The following DOK6 variants were observed in gnomAD, a reference collection of about 807,000 sequenced individuals.
The protein encoded by DOK6 is docking protein 6, also known as downstream of tyrosine kinase 6.
DOK6 carries 22 observed loss-of-function variants against 44.0 expected under a neutral mutation model. That is an observed-to-expected ratio of 0.50 (90% confidence interval 0.36 to 0.71). The LOEUF is 0.71. Among genes scored for constraint, DOK6 ranks in the 30% least tolerant of loss-of-function variants. The pLI is 0.00. For missense variants in DOK6, 340 were observed against 416.4 expected (o/e 0.82, Z 1.60); for synonymous variants, 166 against 145.5 (o/e 1.14, Z -1.01).
intron 7 of DOK6, among the ~76,000 whole-genome samples, chr18:69,833,278 T>C (rs780112352): frequency 7.2e-5 from 11 of 152,174 alleles, no homozygotes; most frequent in Non-Finnish European, 1.6e-4. Context: ...GCCAACTCAT[T>C]TTTAACAAAG....
chr18:69,733,216 A>C (rs527471489), intron 5 of DOK6, among the ~76,000 whole-genome samples: 4 of 152,262 alleles, frequency 2.6e-5, no homozygotes, highest in African/African-American at 9.6e-5. Context: ...CATTTAATTT[A>C]CATTAAATAA....
chr18:69,543,676 G>A (rs1442092119), intron 1 of DOK6, among the ~76,000 whole-genome samples: 1 of 151,216 alleles, frequency 6.6e-6, no homozygotes, highest in Non-Finnish European at 1.5e-5. Flanking sequence ...GACTTTCAGG[G>A]CTTGATTTTT....
At chr18:69,402,906 G>C (rs960781256) in intron 1 of DOK6, among the ~76,000 whole-genome samples, 3 of 152,198 alleles carry the variant, frequency 2.0e-5, no homozygotes, top group African/African-American at 7.2e-5. Flanking sequence ...CGGTTCTCCA[G>C]GAGTCTGGTT....
rs926934475 is a variant in DOK6, at chr18:69,673,811, C to T, written c.290-3923C>T. 2.8e-4 allele frequency among the ~76,000 whole-genome samples: 43 copies of T among 152,158 alleles called. 1 individual carries two copies. The highest frequency in any genetic ancestry group is 8.8e-5 in the Non-Finnish European group (6 of 68,014). On this transcript the variant is annotated intron_variant, in intron 3 of 7. Coordinates refer to ENST00000382713, the MANE Select transcript of DOK6 (RefSeq NM_152721.6). ...ATAGCTGCAAGCTATCTGAAAAAGG[C>T]ATCTTCATGAAAAAGCACTTCATCA...
intron 6 of DOK6, among the ~76,000 whole-genome samples, chr18:69,741,746 C>T (rs930043134): frequency 6.6e-6 from 1 of 152,236 alleles, no homozygotes; most frequent in African/African-American, 2.4e-5. Flanking sequence ...GTCCAACTTC[C>T]TTGGTCTCCC....
chr18:69,630,380 C>T lies in DOK6; in HGVS notation c.289+30882C>T, dbSNP rs72961413. On this transcript the variant is annotated intron_variant, in intron 3 of 7. Transcript: ENST00000382713. ...AAAAAAGGAATGTCCCACCTTGTCA[C>T]ATTTTAGTTCCCTTGGATTTTTTAA... is the stretch of plus-strand genomic sequence containing the variant. 3.2e-3 allele frequency among the ~76,000 whole-genome samples: 480 copies of T among 152,308 alleles called. 3 individuals carry two copies. Among genetic ancestry groups the T allele is most frequent in the Admixed American group, 5.9e-3 (91 of 15,310 alleles).
chr18:69,676,885 G>A (rs1985934337), intron 3 of DOK6, among the ~76,000 whole-genome samples: 1 of 152,030 alleles, frequency 6.6e-6, no homozygotes, highest in Admixed American at 6.5e-5. Context: ...CTTTAGATAT[G>A]ACAGGATTTT....
chr18:69,826,686 C>G (rs767445124), intron 7 of DOK6, among the ~76,000 whole-genome samples: 20 of 152,142 alleles, frequency 1.3e-4, no homozygotes, highest in Non-Finnish European at 2.6e-4. Flanking sequence ...ATATCCAGTC[C>G]AGTAGGTGTT....
intron 7 of DOK6, among the ~76,000 whole-genome samples, chr18:69,775,041 G>A (rs958171644): frequency 6.6e-6 from 1 of 151,662 alleles, no homozygotes; most frequent in Non-Finnish European, 1.5e-5. Context: ...AGATAGAACA[G>A]GAAGTGATGA....
intron 3 of DOK6, chr18:69,662,845 T>C (rs1985564510): frequency 6.6e-6 from 1 of 152,220 alleles, no homozygotes; most frequent in African/African-American, 2.4e-5. Context: ...GTTTCCTTCA[T>C]AGAAATAGTT....
intron 3 of DOK6, among the ~76,000 whole-genome samples, chr18:69,628,431 A>G (rs564392156): frequency 2.0e-5 from 3 of 152,298 alleles, no homozygotes; most frequent in Non-Finnish European, 4.4e-5. Flanking sequence ...CAGAACTTGC[A>G]GTGAGCCAAG....
At chr18:69,738,037 G>T (rs780139152) in intron 5 of DOK6, among the ~76,000 whole-genome samples, 13 of 152,162 alleles carry the variant, frequency 8.5e-5, no homozygotes, top group Non-Finnish European at 1.2e-4. Flanking sequence ...TTCACGCTGT[G>T]TGAATTTTAT....
chr18:69,723,331 C>G (rs956855639), intron 5 of DOK6, among the ~76,000 whole-genome samples: 1 of 152,174 alleles, frequency 6.6e-6, no homozygotes, highest in Non-Finnish European at 1.5e-5. Context: ...AGTGAAATAG[C>G]AAAGTGTTTT....
intron 1 of DOK6, among the ~76,000 whole-genome samples, chr18:69,496,251 G>C (rs996995887): frequency 6.6e-6 from 1 of 152,246 alleles, no homozygotes; most frequent in Non-Finnish European, 1.5e-5. Flanking sequence ...GCTGTGACCA[G>C]GAGGACAGGG....
chr18:69,656,314 A>G (rs753310541), intron 3 of DOK6, among the ~76,000 whole-genome samples: 7 of 152,246 alleles, frequency 4.6e-5, no homozygotes, highest in African/African-American at 7.2e-5. Context: ...ATCTTTACAG[A>G]AAGGAGTACC....
intron 1 of DOK6, among the ~76,000 whole-genome samples, chr18:69,531,771 C>A (rs1981992183): frequency 6.6e-6 from 1 of 152,116 alleles, no homozygotes; most frequent in Non-Finnish European, 1.5e-5. Flanking sequence ...ATTGCCATTA[C>A]CTTGAAACAT....
intron 4 of DOK6, among the ~76,000 whole-genome samples, chr18:69,686,070 G>A (rs966536009): frequency 2.0e-5 from 3 of 152,046 alleles, no homozygotes; most frequent in Admixed American, 6.6e-5. Context: ...TATGACTGGT[G>A]TCCTTGTAAG....
At chr18:69,542,783 T>C (rs1323442634) in intron 1 of DOK6, among the ~76,000 whole-genome samples, 1 of 151,576 alleles carries the variant, frequency 6.6e-6, no homozygotes, top group Non-Finnish European at 1.5e-5. Flanking sequence ...CTTTCGAGCC[T>C]CTGAAGCTTT....
At chr18:69,675,938 T>G (rs1985912348) in intron 3 of DOK6, among the ~76,000 whole-genome samples, 1 of 152,196 alleles carries the variant, frequency 6.6e-6, no homozygotes, top group Non-Finnish European at 1.5e-5. Context: ...TTGTTTTTTG[T>G]TTTTTGTTTT....
Sources: allele counts gnomAD v4.1 joint callset (sites outside exome capture counted in the v4.1 genomes callset), GRCh38; gene constraint gnomAD v4.1.1; transcripts MANE v1.5; gene names NCBI Gene and HGNC (gene_info 2026-07-23, HGNC 2026-07-21).